Variants in FAM135B observed in about 807,000 individuals in gnomAD.
The protein encoded by FAM135B is family with sequence similarity 135 member B.
In FAM135B, 43 loss-of-function variants were observed where a neutral mutation model predicts 127.7. The observed-to-expected ratio is 0.34, with a 90% CI of 0.26 to 0.43. The LOEUF is 0.43. FAM135B is among the 20% of genes least tolerant of loss of function. FAM135B has a pLI of 1.00. For missense variants in FAM135B, 1,558 were observed against 1,725.6 expected, an observed-to-expected ratio of 0.90 and a Z score of 1.72; for synonymous variants, 670 against 665.1, an observed-to-expected ratio of 1.01 and a Z score of -0.11.
intron 2 of FAM135B, among the ~76,000 whole-genome samples, chr8:138,341,748 GT>G (rs1304291133): frequency 1.3e-5 from 2 of 151,994 alleles, no homozygotes; most frequent in Admixed American, 1.3e-4. Flanking sequence ...TTAGATGCCT[GT>G]CCCCTGCAAT....
intron 12 of FAM135B, among the ~76,000 whole-genome samples, chr8:138,154,638 A>C (rs923674910): frequency 3.3e-5 from 5 of 152,124 alleles, no homozygotes; most frequent in Non-Finnish European, 7.3e-5. Flanking sequence ...TGAGAACTAC[A>C]TGACACATGC....
At chr8:138,424,024 T>C (rs1834691236) in intron 1 of FAM135B, among the ~76,000 whole-genome samples, 1 of 152,210 alleles carries the variant, frequency 6.6e-6, no homozygotes, top group South Asian at 2.1e-4. Flanking sequence ...GTTTTCTCTC[T>C]TGCCTGAACA....
intron 1 of FAM135B, among the ~76,000 whole-genome samples, chr8:138,397,162 C>CG (rs1025100143): frequency 1.3e-5 from 2 of 152,188 alleles, no homozygotes; most frequent in African/African-American, 4.8e-5. Flanking sequence ...TGTGAGCCTA[C>CG]GGAAGGCTGG....
intron 16 of FAM135B, among the ~76,000 whole-genome samples, chr8:138,142,293 T>C (rs1231773301): frequency 4.9e-5 from 3 of 60,958 alleles, no homozygotes; most frequent in East Asian, 4.5e-4. Flanking sequence ...TTCTTCTTTT[T>C]TTTTTTTTTT....
chr8:138,361,211 C>A (rs1411250184), intron 2 of FAM135B, among the ~76,000 whole-genome samples: 1 of 152,184 alleles, frequency 6.6e-6, no homozygotes, highest in Admixed American at 6.5e-5. Flanking sequence ...CAGGTGTGAG[C>A]CACCTCGCCC....
At chr8:138,477,898 G>C (rs1401604) in intron 1 of FAM135B, among the ~76,000 whole-genome samples, 62,321 of 151,980 alleles carry the variant, frequency 0.41, 15,281 homozygotes, top group South Asian at 0.64. Context: ...TTATAGAGCA[G>C]AGATCTCATG....
At chr8:138,157,587 C>A (rs182005336) in intron 12 of FAM135B, among the ~76,000 whole-genome samples, 600 of 138,616 alleles carry the variant, frequency 4.3e-3, no homozygotes, top group African/African-American at 0.012. Context: ...CTGATAAGCA[C>A]CTTCAGCAAA....
chr8:138,221,832 T>C (rs755195551), intron 7 of FAM135B, among the ~76,000 whole-genome samples: 9 of 152,186 alleles, frequency 5.9e-5, no homozygotes, highest in Non-Finnish European at 1.3e-4. Flanking sequence ...AGAATGCATA[T>C]GTATATATGA....
intron 1 of FAM135B, among the ~76,000 whole-genome samples, chr8:138,476,970 C>G (rs145859140): frequency 6.6e-5 from 10 of 152,134 alleles, no homozygotes; most frequent in Non-Finnish European, 1.2e-4. Context: ...AGAGAAGAAG[C>G]CAAGAACCAA....
chr8:138,439,191 A>G (rs1835625308), intron 1 of FAM135B: 2 of 152,170 alleles, frequency 1.3e-5, no homozygotes, highest in African/African-American at 4.8e-5. Context: ...AAAATCTTTG[A>G]GGAGGCTCCA....
At chr8:138,426,134 G>GTATATA (rs555848688) in intron 1 of FAM135B, among the ~76,000 whole-genome samples, 19 of 111,978 alleles carry the variant, frequency 1.7e-4, no homozygotes, top group Middle Eastern at 5.3e-3. Context: ...GTGTGTGTGT[G>GTATATA]TGTGTATATA....
At chr8:138,425,271 T>C (rs574620584) in intron 1 of FAM135B, among the ~76,000 whole-genome samples, 43 of 152,266 alleles carry the variant, frequency 2.8e-4, no homozygotes, top group Non-Finnish European at 5.1e-4. Context: ...GTATCACAGA[T>C]GGAAAAGACT....
rs750768361 is a variant in FAM135B at position 138,197,565 on chromosome 8, G to A, written c.774C>T (p.His258=). ...LLHAYRGLRL[H]FLVIMRDIPE... ...GGATGTCCCGCATGATCACCAGGAAGTGGAGACGGAGACCCCGGTAAGCGT... is the reference window on the plus strand; with the variant it reads ...GGATGTCCCGCATGATCACCAGGAAATGGAGACGGAGACCCCGGTAAGCGT... Residue 258 remains histidine, a synonymous_variant, in exon 8 of 20, where the codon CAC becomes CAT. Transcript: ENST00000395297. The A allele has an allele frequency of 6.2e-7, 1 of 1,614,028 alleles. No homozygotes were observed. The highest frequency in any genetic ancestry group is 1.3e-5 in the African/African-American group (1 of 74,928).
intron 9 of FAM135B, among the ~76,000 whole-genome samples, chr8:138,186,772 T>C (rs1413662350): frequency 1.3e-5 from 2 of 152,176 alleles, no homozygotes; most frequent in Non-Finnish European, 2.9e-5. Context: ...GGCAATTAGT[T>C]GACCTCTCAT....
At chr8:138,480,589 A>G (rs1704870688) in intron 1 of FAM135B, among the ~76,000 whole-genome samples, 1 of 152,214 alleles carries the variant, frequency 6.6e-6, no homozygotes, top group Admixed American at 6.5e-5. Context: ...TATGAGAGAA[A>G]TAGGAAAAAA....
chr8:138,472,202 G>C (rs937029963), intron 1 of FAM135B, among the ~76,000 whole-genome samples: 3 of 152,110 alleles, frequency 2.0e-5, no homozygotes, highest in African/African-American at 4.8e-5. Flanking sequence ...GGTTTGATAA[G>C]AGAGAGAAAT....
intron 4 of FAM135B, 143 bp downstream of exon 4, chr8:138,265,560 G>A: frequency 1.2e-6 from 1 of 823,274 alleles, no homozygotes; most frequent in Middle Eastern, 2.7e-4. Context: ...ATAAATAAGT[G>A]CATGAGTGCA....
intron 1 of FAM135B, among the ~76,000 whole-genome samples, chr8:138,448,014 T>C (rs1836287652): frequency 6.6e-6 from 1 of 151,522 alleles, no homozygotes; most frequent in African/African-American, 2.4e-5. Context: ...TGATCTAATT[T>C]GGCAAGCTGA....
intron 6 of FAM135B, among the ~76,000 whole-genome samples, chr8:138,247,946 A>G (rs1821411609): frequency 6.6e-6 from 1 of 152,226 alleles, no homozygotes; most frequent in South Asian, 2.1e-4. Context: ...TCTTCTAGAA[A>G]GATTTCTCTC....
Sources: gnomAD v4.1 joint callset for allele counts (sites outside exome capture counted in the v4.1 genomes callset) on GRCh38, gnomAD v4.1.1 for gene constraint, MANE v1.5 for transcripts, NCBI Gene and HGNC (gene_info 2026-07-23, HGNC 2026-07-21) for gene names.